The following TRAPPC8 variants were observed in gnomAD, a reference collection of about 807,000 sequenced individuals.
TRAPPC8 encodes general sporulation gene 1 homolog.
In TRAPPC8, 54 loss-of-function variants were observed where a neutral mutation model predicts 174.3. The ratio of observed to expected loss-of-function variants is 0.31; its 90% CI spans 0.25 to 0.39. The LOEUF is 0.39. TRAPPC8 is among the 10% of genes least tolerant of loss of function. The pLI is 1.00. For missense variants in TRAPPC8, 1,531 were observed against 1,699.1 expected (o/e 0.90, Z 1.74); for synonymous variants, 630 against 579.9 (o/e 1.09, Z -1.24).
intron 3 of TRAPPC8, 58 bp downstream of exon 3, chr18:31,917,520 T>G: frequency 5.6e-5 from 83 of 1,485,224 alleles, no homozygotes; most frequent in Non-Finnish European, 6.9e-5. Context: ...TAACTATTTC[T>G]GAGATTAATA....
rs772786577 is a variant in TRAPPC8 at position 31,873,478 on chromosome 18, T to C, written c.2014A>G (p.Ser672Gly). 67 of 1,613,768 alleles carry C rather than the reference T, an allele frequency of 4.2e-5. No homozygotes were observed. The highest frequency in any genetic ancestry group is 5.1e-5 in the Non-Finnish European group (60 of 1,179,874). ...CCAAAAAAAACCCGTGTTGCTGAAC[T>C]GTTAATATACGGTAAAGGAAGCTGT... ...LPQLPLPYIN[S>G]SATRVFFGHD... Residue 672 changes from serine to glycine, a missense_variant, in exon 14 of 29, where the codon AGT becomes GGT. By Grantham distance (56) the Ser-to-Gly change is moderately conservative (BLOSUM62 0). Coordinates refer to ENST00000283351, the MANE Select transcript of TRAPPC8 (RefSeq NM_014939.5).
chr18:31,852,679 G>GTC lies in TRAPPC8; in HGVS notation c.3434-17_3434-16insGA. ...AGTTTGGTATCTAGGAAGAAAAAGG[G>GTC]AAATTTCAAAGATGTTTCTCAGTTC... On this transcript the variant is annotated splice_polypyrimidine_tract_variant and intron_variant, in intron 22 of 28. Coordinates refer to ENST00000283351, the MANE Select transcript of TRAPPC8 (RefSeq NM_014939.5). 6.2e-7 allele frequency: 1 copy of GTC among 1,606,974 alleles called. No homozygotes were observed. Among genetic ancestry groups the GTC allele is most frequent in the Non-Finnish European group, 8.5e-7 (1 of 1,174,724 alleles).
At chr18:31,863,951 T>TGA (rs1254031410) in intron 19 of TRAPPC8, among the ~76,000 whole-genome samples, 7 of 150,836 alleles carry the variant, frequency 4.6e-5, no homozygotes, top group Non-Finnish European at 1.0e-4. Flanking sequence ...CACTTCTTGT[T>TGA]CTATTATACT....
intron 14 of TRAPPC8, among the ~76,000 whole-genome samples, chr18:31,872,584 T>C (rs2034923865): frequency 6.6e-6 from 1 of 152,080 alleles, no homozygotes; most frequent in East Asian, 1.9e-4. Flanking sequence ...CACGCCCAGC[T>C]AGTTTTTTGT....
intron 10 of TRAPPC8, among the ~76,000 whole-genome samples, chr18:31,898,180 AT>A (rs1288876660): frequency 2.0e-5 from 3 of 152,008 alleles, no homozygotes; most frequent in Non-Finnish European, 4.4e-5. Context: ...GTTATACTTT[AT>A]TTTTTATTTG....
rs2032296354 is a variant in TRAPPC8 at position 31,830,522 on chromosome 18, C to T, written c.*233G>A. 1 of 508,772 alleles carries T rather than the reference C, an allele frequency of 2.0e-6. No homozygotes were observed. The highest frequency in any genetic ancestry group is 1.9e-5 in the African/African-American group (1 of 51,710). 31.5% of individuals were successfully genotyped at this position (508,772 alleles called of 1,614,324 possible). On this transcript the variant is annotated 3_prime_UTR_variant, in exon 29 of 29. Coordinates refer to ENST00000283351, the MANE Select transcript of TRAPPC8 (RefSeq NM_014939.5). ...ATAAGGTGCACAAATATGCTGATAT[C>T]CTGTATTATGAGCATGTAAATTATT...
At chr18:31,850,625 T>G (rs976504180) in intron 24 of TRAPPC8, among the ~76,000 whole-genome samples, 1 of 152,336 alleles carries the variant, frequency 6.6e-6, no homozygotes, top group Middle Eastern at 3.4e-3. Context: ...ATATATCATG[T>G]AGATGTTAAA....
intron 27 of TRAPPC8, among the ~76,000 whole-genome samples, chr18:31,836,134 A>G (rs1255028869): frequency 2.0e-5 from 3 of 152,184 alleles, no homozygotes; most frequent in Non-Finnish European, 4.4e-5. Flanking sequence ...CATGGGTATG[A>G]TCTGCAGACA....
At chr18:31,926,687 A>G (rs756154308) in intron 2 of TRAPPC8, 4 of 152,168 alleles carry the variant, frequency 2.6e-5, no homozygotes, top group Non-Finnish European at 5.9e-5. Context: ...TCAGCCTCCC[A>G]AAGTGCTGGG....
intron 24 of TRAPPC8, 146 bp downstream of exon 24, chr18:31,852,300 C>A: frequency 7.5e-6 from 6 of 799,854 alleles, no homozygotes; most frequent in Non-Finnish European, 1.2e-5. Context: ...GTGATCACGC[C>A]ACTGTACTCC....
chr18:31,924,326 C>T (rs375086029), intron 2 of TRAPPC8, among the ~76,000 whole-genome samples: 67 of 144,110 alleles, frequency 4.6e-4, no homozygotes, highest in Non-Finnish European at 8.4e-4. Flanking sequence ...TCGTGGTGGG[C>T]GCCTGTAATC....
At chr18:31,865,421 T>C (rs2034539525) in intron 18 of TRAPPC8, among the ~76,000 whole-genome samples, 1 of 152,056 alleles carries the variant, frequency 6.6e-6, no homozygotes, top group Non-Finnish European at 1.5e-5. Flanking sequence ...AAGCCTTTAA[T>C]GTGCCGAAGG....
In TRAPPC8 at chr18:31,929,693, GAA is replaced by G. The variant is rs1330300813; in HGVS notation, c.352+1634_352+1635del. 1.1e-4 allele frequency among the ~76,000 whole-genome samples: 16 copies of G among 152,196 alleles called. No homozygotes were observed. In the South Asian group the frequency reaches 3.3e-3, roughly 32 times the overall value. The stretch of plus-strand genomic sequence containing the variant: ...AAAATACTATAAATAAAAATAAAAA[GAA>G]ACACTAAGTGACTTATTCAGGTTAT... On this transcript the variant is annotated intron_variant, in intron 2 of 28. Transcript: ENST00000283351.
intron 11 of TRAPPC8, among the ~76,000 whole-genome samples, chr18:31,893,444 T>A (rs1303005003): frequency 6.6e-6 from 1 of 152,088 alleles, no homozygotes; most frequent in Non-Finnish European, 1.5e-5. Flanking sequence ...CCTGGTTTCA[T>A]TTTTTATTAT....
chr18:31,886,303 C>G (rs1371447331), intron 12 of TRAPPC8, among the ~76,000 whole-genome samples: 1 of 147,958 alleles, frequency 6.8e-6, no homozygotes, highest in Admixed American at 6.7e-5. Context: ...GCCAATACGC[C>G]CAGCCTGTTT....
chr18:31,831,934 G>A, intron 28 of TRAPPC8, 150 bp downstream of exon 28: 1 of 455,950 alleles, frequency 2.2e-6, no homozygotes, highest in South Asian at 3.6e-5. Context: ...TAAAGCCTCT[G>A]TAACACATCT....
At position 31,855,704 on chromosome 18, in the gene TRAPPC8, C is replaced by T. The variant is rs757597528; in HGVS notation, c.3292G>A (p.Gly1098Arg). 6 of 1,610,314 alleles carry T rather than the reference C, an allele frequency of 3.7e-6. No homozygotes were observed. The East Asian group carries it at 6.7e-5, about 18-fold the overall frequency. The change falls in exon 21 of 29, where the codon GGA (glycine) becomes AGA (arginine). Residue 1098 changes from glycine (G) to arginine (R), a missense_variant. By Grantham distance (125) the Gly-to-Arg change is moderately radical (BLOSUM62 -2). Coordinates refer to ENST00000283351, the MANE Select transcript of TRAPPC8 (RefSeq NM_014939.5). ...SNSLENEEGRGGNMLVFVDVE... is the reference protein window; with the variant it reads ...SNSLENEEGRRGNMLVFVDVE... ...TCCACAAAGACTAGCATATTGCCTC[C>T]TCTGCCTTCTTCATTTTCAAGAGAA... is the stretch of plus-strand genomic sequence containing the variant.
intron 27 of TRAPPC8, among the ~76,000 whole-genome samples, chr18:31,838,169 G>A (rs553116115): frequency 6.6e-6 from 1 of 152,186 alleles, no homozygotes; most frequent in African/African-American, 2.4e-5. Flanking sequence ...TTCTCTTAAA[G>A]TCACTGTCAA....
In TRAPPC8 at chr18:31,830,595, C is replaced by A; in HGVS notation, c.*160G>T. The A allele has an allele frequency of 3.3e-6, 2 of 609,350 alleles. No individual in the cohort carries two copies. Among genetic ancestry groups the A allele is most frequent in the East Asian group, 2.8e-5 (1 of 35,738 alleles). The allele number at this position is 609,350 out of a possible 1,614,324, so 37.7% of individuals were successfully genotyped here. ...AAAAAGAATGTTAAGTATTCTCAGTCCAACGTGCTTTGCATCATCAACAAA... is the reference window on the plus strand; with the variant it reads ...AAAAAGAATGTTAAGTATTCTCAGTACAACGTGCTTTGCATCATCAACAAA... On this transcript the variant is annotated 3_prime_UTR_variant, in exon 29 of 29. Coordinates refer to ENST00000283351, the MANE Select transcript of TRAPPC8 (RefSeq NM_014939.5).
Sources: allele counts gnomAD v4.1 joint callset (sites outside exome capture counted in the v4.1 genomes callset), GRCh38; gene constraint gnomAD v4.1.1; transcripts MANE v1.5; gene names NCBI Gene and HGNC (gene_info 2026-07-23, HGNC 2026-07-21).